The following CHD6 variants were observed in gnomAD, a reference collection of about 807,000 sequenced individuals.
The protein encoded by CHD6 is ATP-dependent chromatin remodeler CHD6.
A neutral mutation model predicts 276.9 loss-of-function variants in CHD6; 50 were observed. That is an observed-to-expected ratio of 0.18 (90% CI 0.14 to 0.23). The LOEUF is 0.23. CHD6 is among the 10% of genes least tolerant of loss of function. The pLI, the probability that CHD6 is intolerant of heterozygous loss-of-function variation, is 1.00. For missense variants in CHD6, 2,564 were observed against 3,365.8 expected (o/e 0.76, Z 5.89); for synonymous variants, 1,173 against 1,229.3 (o/e 0.95, Z 0.96).
rs571512191 is a variant in CHD6 at position 41,547,393 on chromosome 20, G to A, written c.33+3912C>T. Reference sequence around the variant, plus strand: ...CAACTTCTTTCAGTCGTCCTGAATCGGATTCATCTGACACAAGCTGCCTCC... The same window carrying A: ...CAACTTCTTTCAGTCGTCCTGAATCAGATTCATCTGACACAAGCTGCCTCC... On this transcript the variant is annotated intron_variant, in intron 2 of 36. Coordinates refer to ENST00000373233, the MANE Select transcript of CHD6 (RefSeq NM_032221.5). The A allele has an allele frequency of 5.2e-5, 12 of 230,292 alleles. No homozygotes were observed. The East Asian group carries it at 7.6e-4, about 15-fold the overall frequency. 14.3% of individuals were successfully genotyped at this position (230,292 alleles called of 1,614,324 possible). A position where few individuals can be genotyped will look rare whatever the true frequency, so the allele number is the denominator to read the frequency against.
At chr20:41,420,430 C>T (rs895218836) in intron 31 of CHD6, 78 bp downstream of exon 31, 1 of 1,456,486 alleles carries the variant, frequency 6.9e-7, no homozygotes, top group Admixed American at 2.2e-5. Flanking sequence ...ATATGAAGCA[C>T]TCTCTCCCCT....
intron 1 of CHD6, among the ~76,000 whole-genome samples, chr20:41,565,641 T>C (rs1012813215): frequency 9.0e-6 from 1 of 111,664 alleles, no homozygotes; most frequent in African/African-American, 4.5e-5. Flanking sequence ...AAGCTTCACA[T>C]TGACTCCGAA....
intron 2 of CHD6, among the ~76,000 whole-genome samples, chr20:41,538,035 G>T (rs1285304638): frequency 6.6e-6 from 1 of 152,200 alleles, no homozygotes; most frequent in African/African-American, 2.4e-5. Flanking sequence ...TCCATACAAT[G>T]GCATATTATT....
Position 41,421,369 on chromosome 20 carries a change from A to G in CHD6, c.5266T>C (p.Ser1756Pro). The change falls in exon 31 of 37, where the codon TCT becomes CCT. Residue 1756 changes from serine to proline, a missense_variant. By Grantham distance (74) the Ser-to-Pro change is moderately conservative. This residue lies in a region of CHD6 where 1,024 missense variants were observed against 1,047.9 expected (regional missense o/e 0.98). Coordinates refer to ENST00000373233, the MANE Select transcript of CHD6 (RefSeq NM_032221.5). ...AAGCTACCCATAAAAGTAGGGCCAG[A>G]AGCTATTTCTGCCTCAGGGCCACCA... ...QSGGPEAEIA[S>P]GPTFMGSLEA... 2 of 1,614,076 alleles carry G rather than the reference A, an allele frequency of 1.2e-6. No individual in the cohort carries two copies. Among genetic ancestry groups the G allele is most frequent in the Non-Finnish European group, 1.7e-6 (2 of 1,179,966 alleles).
At chr20:41,603,497 T>C (rs2045794304) in intron 1 of CHD6, among the ~76,000 whole-genome samples, 1 of 152,180 alleles carries the variant, frequency 6.6e-6, no homozygotes, top group African/African-American at 2.4e-5. Context: ...GTAAATTCCT[T>C]GTGTAAGGAG....
intron 11 of CHD6, among the ~76,000 whole-genome samples, chr20:41,491,239 TA>T (rs1308469947): frequency 6.6e-6 from 1 of 151,548 alleles, no homozygotes; most frequent in Non-Finnish European, 1.5e-5. Context: ...TCTTAAGTGT[TA>T]TTACAAAGAG....
Position 41,425,352 on chromosome 20 carries a change from G to A in CHD6, c.4172C>T (p.Ser1391Phe). The stretch of plus-strand genomic sequence containing the variant: ...TCTGAGACGAGCTGTGAGGGCGGAG[G>A]AAACTGGCCAGGGCGATTTGTCTGG... ...SDPDKSPWPV[S>F]SALTARLRRL... Residue 1391 changes from serine (S) to phenylalanine (F), a missense_variant, in exon 29 of 37, where the codon TCC becomes TTC. Ser to Phe is a radical substitution (Grantham distance 155). Around this residue, in one of 7 missense-constraint regions of CHD6, gnomAD observed 515 missense variants for 739.5 expected, o/e 0.70. Coordinates refer to ENST00000373233, the MANE Select transcript of CHD6 (RefSeq NM_032221.5). 6.2e-7 allele frequency: 1 copy of A among 1,614,190 alleles called. No individual in the cohort carries two copies. The highest frequency in any genetic ancestry group is 8.5e-7 in the Non-Finnish European group (1 of 1,180,038).
intron 1 of CHD6, among the ~76,000 whole-genome samples, chr20:41,575,580 CAG>C (rs1324792110): frequency 1.3e-5 from 2 of 152,124 alleles, no homozygotes; most frequent in Non-Finnish European, 2.9e-5. Context: ...GTCAACCTTC[CAG>C]AGGACAGTTC....
At chr20:41,533,889 TTAGC>T (rs2044756297) in intron 2 of CHD6, among the ~76,000 whole-genome samples, 1 of 152,176 alleles carries the variant, frequency 6.6e-6, no homozygotes, top group Non-Finnish European at 1.5e-5. Context: ...CAAATAACCT[TTAGC>T]CACTTGCAAA....
Position 41,498,120 on chromosome 20 carries a change from T to C in CHD6, c.974+48A>G, listed in dbSNP as rs765855672. ...AATAAAGTCACAAGAGAAAAAAAGT[T>C]TTATTCATATAAAACCCAAATACAG... is the stretch of plus-strand genomic sequence containing the variant. On this transcript the variant is annotated intron_variant, in intron 7 of 36. Coordinates refer to ENST00000373233, the MANE Select transcript of CHD6 (RefSeq NM_032221.5). 15 of 1,323,872 alleles carry C rather than the reference T, an allele frequency of 1.1e-5. No individual in the cohort carries two copies. In the African/African-American group the frequency reaches 2.1e-4, roughly 18 times the overall value. The allele number at this position is 1,323,872 out of a possible 1,614,324, so 82.0% of individuals were successfully genotyped here. A position where few individuals can be genotyped will look rare whatever the true frequency, so the allele number is the denominator to read the frequency against.
At chr20:41,526,535 A>G (rs539664621) in intron 3 of CHD6, among the ~76,000 whole-genome samples, 1 of 152,316 alleles carries the variant, frequency 6.6e-6, no homozygotes, top group Non-Finnish European at 1.5e-5. Context: ...ACTCAGCGGC[A>G]ATCAGGCAGC....
At chr20:41,487,969 C>T (rs1404354326) in intron 13 of CHD6, among the ~76,000 whole-genome samples, 161 bp from the exon 14 acceptor site, 1 of 152,136 alleles carries the variant, frequency 6.6e-6, no homozygotes. Flanking sequence ...AGTCAATAAA[C>T]GAATCAACCT....
chr20:41,526,858 C>T (rs886415628), intron 3 of CHD6, among the ~76,000 whole-genome samples: 1 of 152,172 alleles, frequency 6.6e-6, no homozygotes, highest in Non-Finnish European at 1.5e-5. Flanking sequence ...ACTCTAATTA[C>T]CTGGGAGAAT....
At chr20:41,574,765 GAACCAA>G (rs2045455667) in intron 1 of CHD6, among the ~76,000 whole-genome samples, 1 of 152,072 alleles carries the variant, frequency 6.6e-6, no homozygotes, top group Non-Finnish European at 1.5e-5. Flanking sequence ...AAAACCATGA[GAACCAA>G]GAAAAAGAGT....
At chr20:41,545,056 C>A (rs1463482055) in intron 2 of CHD6, among the ~76,000 whole-genome samples, 1 of 152,156 alleles carries the variant, frequency 6.6e-6, no homozygotes, top group Non-Finnish European at 1.5e-5. Context: ...GCTTACAAGG[C>A]ATATGGCACA....
At chr20:41,456,276 T>C (rs530216871) in intron 18 of CHD6, among the ~76,000 whole-genome samples, 4 of 152,198 alleles carry the variant, frequency 2.6e-5, no homozygotes, top group Non-Finnish European at 5.9e-5. Context: ...CTATGCATCA[T>C]TGAAGATGGT....
intron 1 of CHD6, among the ~76,000 whole-genome samples, chr20:41,562,440 T>C (rs979622033): frequency 1.3e-5 from 2 of 152,074 alleles, no homozygotes; most frequent in Non-Finnish European, 2.9e-5. Context: ...AAGCTCTGGC[T>C]GAGAATATTT....
chr20:41,458,392 C>T (rs1041671176), intron 17 of CHD6, among the ~76,000 whole-genome samples: 1 of 152,210 alleles, frequency 6.6e-6, no homozygotes, highest in South Asian at 2.1e-4. Flanking sequence ...TGTTTTACTG[C>T]ACTGCAGTTA....
At chr20:41,431,444 C>T (rs922233027) in intron 27 of CHD6, among the ~76,000 whole-genome samples, 2 of 152,100 alleles carry the variant, frequency 1.3e-5, no homozygotes, top group African/African-American at 4.8e-5. Flanking sequence ...GGAGGACCCT[C>T]GCAGGGGAGT....
Sources: gnomAD v4.1 joint callset for allele counts (sites outside exome capture counted in the v4.1 genomes callset) on GRCh38, gnomAD v4.1.1 for gene constraint, gnomAD v4.1.1 regional missense constraint, MANE v1.5 for transcripts, NCBI Gene and HGNC (gene_info 2026-07-23, HGNC 2026-07-21) for gene names.